The following MAP7D2 variants were observed in gnomAD, a reference collection of about 807,000 sequenced individuals.
The protein encoded by MAP7D2 is MAP7 domain containing 2, also known as MAP7 domain-containing protein 2.
MAP7D2 carries 33 observed loss-of-function variants against 63.5 expected under a neutral mutation model. The observed-to-expected ratio is 0.52, with a 90% CI of 0.39 to 0.70. MAP7D2 has a LOEUF of 0.70. MAP7D2 is among the 30% of genes least tolerant of loss of function. MAP7D2 has a pLI of 0.00. For missense variants in MAP7D2, 626 were observed against 604.0 expected (o/e 1.04, Z -0.38); for synonymous variants, 224 against 223.7 (o/e 1.00, Z -0.01).
At chrX:20,080,414 C>G (rs1362738650) in intron 1 of MAP7D2, among the ~76,000 whole-genome samples, 2 of 110,375 alleles carry the variant, frequency 1.8e-5, no homozygotes, top group Non-Finnish European at 3.8e-5. Flanking sequence ...AAAAAACCAA[C>G]AAGCAAATGG....
intron 5 of MAP7D2, 67 bp downstream of exon 5, chrX:20,052,811 C>T (rs2064982133): frequency 1.2e-6 from 1 of 861,848 alleles, no homozygotes; most frequent in Non-Finnish European, 1.7e-6. Flanking sequence ...CTCACAAAGA[C>T]AAACGTTAAG....
intron 6 of MAP7D2, among the ~76,000 whole-genome samples, chrX:20,048,207 T>C (rs2064851316): frequency 8.9e-6 from 1 of 112,098 alleles, no homozygotes; most frequent in Non-Finnish European, 1.9e-5. Flanking sequence ...ACATGGTGTA[T>C]GTTGAATACC....
chrX:20,013,481 C>T (rs1366422728), intron 13 of MAP7D2, 88 bp downstream of exon 13: 9 of 849,397 alleles, frequency 1.1e-5, no homozygotes, highest in South Asian at 2.5e-5. Context: ...GGCTAATCGT[C>T]GCCAAGACCT....
At chrX:20,008,728 C>G (rs1163163729) in intron 16 of MAP7D2, among the ~76,000 whole-genome samples, 1 of 112,038 alleles carries the variant, frequency 8.9e-6, no homozygotes, top group East Asian at 2.8e-4. Context: ...CAAACGTCTC[C>G]TGGTGGGGGT....
intron 1 of MAP7D2, among the ~76,000 whole-genome samples, chrX:20,085,592 G>C (rs749905655): frequency 8.0e-5 from 9 of 112,497 alleles, no homozygotes; most frequent in Admixed American, 2.8e-4. Context: ...CAAAATTGGA[G>C]TTCTCTGCTA....
chrX:20,077,060 G>T (rs1264652013), intron 1 of MAP7D2, among the ~76,000 whole-genome samples: 2 of 112,514 alleles, frequency 1.8e-5, no homozygotes, highest in African/African-American at 6.4e-5. Context: ...TAATAATAAT[G>T]AGAATGGATC....
intron 11 of MAP7D2, among the ~76,000 whole-genome samples, chrX:20,015,726 A>G (rs892592399): frequency 8.9e-6 from 1 of 112,601 alleles, no homozygotes; most frequent in Non-Finnish European, 1.9e-5. Context: ...ATTCTAAAGC[A>G]TGATCCACAG....
chrX:20,094,561 T>C lies in MAP7D2; in HGVS notation c.130+22189A>G, dbSNP rs1454833457. Among the ~76,000 whole-genome samples, 21 of 15,402 alleles carry C rather than the reference T, an allele frequency of 1.4e-3. 3 individuals are homozygous for C. Among genetic ancestry groups the C allele is most frequent in the Middle Eastern group, 0.026 (1 of 39 alleles). The allele number at this position is 15,402 out of a possible 115,157, so 13.4% of individuals were successfully genotyped here. ...ATATATGTATATATATATATATATA[T>C]ATATATACATATATATGTATATATA... On this transcript the variant is annotated intron_variant, in intron 1 of 16. Coordinates refer to ENST00000379643, the MANE Select transcript of MAP7D2 (RefSeq NM_001168465.2).
chrX:20,100,604 G>A (rs2066403496), intron 1 of MAP7D2, among the ~76,000 whole-genome samples: 1 of 96,820 alleles, frequency 1.0e-5, no homozygotes, highest in Non-Finnish European at 2.1e-5. Context: ...TGTAACAGTG[G>A]AAGTAGAGCT....
At chrX:20,098,221 T>C (rs908404659) in intron 1 of MAP7D2, among the ~76,000 whole-genome samples, 1 of 111,676 alleles carries the variant, frequency 9.0e-6, no homozygotes, top group Non-Finnish European at 1.9e-5. Flanking sequence ...CCATGAAGTA[T>C]TTCAGATATG....
intron 1 of MAP7D2, among the ~76,000 whole-genome samples, chrX:20,092,304 G>A (rs944539477): frequency 1.8e-5 from 2 of 111,176 alleles, no homozygotes; most frequent in African/African-American, 3.3e-5. Context: ...GCACTTTGAC[G>A]TACTGAACTG....
Position 20,013,080 on chromosome X carries a change from GTCT to G in MAP7D2, c.1856_1858del (p.Lys619del), listed in dbSNP as rs1271098294. ...CATTTTGTTGGGGACAACCAGTTTT[GTCT>G]TCTTTTCCACACACACAGCAGGCTG... On this transcript the variant is annotated inframe_deletion, in exon 14 of 17. Transcript: ENST00000379643. 15 of 1,209,567 alleles carry G rather than the reference GTCT, an allele frequency of 1.2e-5. No individual in the cohort carries two copies. Among genetic ancestry groups the G allele is most frequent in the Non-Finnish European group, 1.6e-5 (14 of 894,626 alleles).
chrX:20,099,445 C>T (rs896829761), intron 1 of MAP7D2, among the ~76,000 whole-genome samples: 7 of 111,581 alleles, frequency 6.3e-5, no homozygotes, highest in African/African-American at 1.6e-4. Context: ...AGGATGCTCC[C>T]GAAAGAAGCC....
intron 4 of MAP7D2, 94 bp from the exon 5 acceptor site, chrX:20,053,082 C>A: frequency 1.7e-6 from 1 of 588,937 alleles, no homozygotes; most frequent in Admixed American, 2.5e-5. Context: ...TCCTCATCCA[C>A]GCACCTCCTA....
At chrX:20,087,879 CTTTTTTTTTTTTTTTT>C (rs539620594) in intron 1 of MAP7D2, among the ~76,000 whole-genome samples, 19 of 52,860 alleles carry the variant, frequency 3.6e-4, no homozygotes, top group Admixed American at 3.2e-3. Flanking sequence ...AATTTCTTTT[CTTTTTTTTTTTTTTTT>C]TTTTTTTTTT....
intron 1 of MAP7D2, among the ~76,000 whole-genome samples, chrX:20,105,760 A>C (rs1213933502): frequency 1.8e-5 from 2 of 111,499 alleles, no homozygotes; most frequent in Non-Finnish European, 3.8e-5. Context: ...CCCGACCCCA[A>C]CACCAAACCC....
Position 20,082,730 on chromosome X carries a change from G to T in MAP7D2, c.131-17925C>A, listed in dbSNP as rs753842474. ...TGCAACCTCCGCCTCCTGGGTTCAT[G>T]CCATTCTCCTGCCTCAGCCTCCCAA... On this transcript the variant is annotated intron_variant, in intron 1 of 16. Coordinates refer to ENST00000379643, the MANE Select transcript of MAP7D2 (RefSeq NM_001168465.2). Among the ~76,000 whole-genome samples, 392 of 112,085 alleles carry T rather than the reference G, an allele frequency of 3.5e-3. 1 individual carries two copies. Among genetic ancestry groups the T allele is most frequent in the Non-Finnish European group, 4.5e-3 (237 of 53,196 alleles).
At chrX:20,094,997 GT>G (rs1371717842) in intron 1 of MAP7D2, among the ~76,000 whole-genome samples, 12 of 108,450 alleles carry the variant, frequency 1.1e-4, no homozygotes, top group African/African-American at 3.4e-4. Context: ...GCTCACGCCT[GT>G]TTTCCCAGGC....
intron 1 of MAP7D2, among the ~76,000 whole-genome samples, chrX:20,092,570 C>A (rs1003531785): frequency 8.9e-6 from 1 of 112,129 alleles, no homozygotes; most frequent in Non-Finnish European, 1.9e-5. Context: ...CTTCTTCCCC[C>A]GTCTTATAAC....
Sources: gnomAD v4.1 joint callset for allele counts (sites outside exome capture counted in the v4.1 genomes callset) on GRCh38, gnomAD v4.1.1 for gene constraint, MANE v1.5 for transcripts, NCBI Gene and HGNC (gene_info 2026-07-23, HGNC 2026-07-21) for gene names.